KAZN: variants seen among roughly 807,000 people sequenced by gnomAD.
The protein encoded by KAZN is kazrin, periplakin interacting protein, also known as kazrin.
KAZN carries 40 observed loss-of-function variants against 87.4 expected under a neutral mutation model. The ratio of observed to expected loss-of-function variants is 0.46; its 90% confidence interval spans 0.36 to 0.60. KAZN has a LOEUF of 0.60. Ranked by LOEUF, KAZN falls within the 20% of genes least tolerant of loss-of-function variation. The pLI is 0.00. For missense variants in KAZN, 898 were observed against 1,073.9 expected, an observed-to-expected ratio of 0.84 and a Z score of 2.29; for synonymous variants, 466 against 458.3, an observed-to-expected ratio of 1.02 and a Z score of -0.22.
At chr1:14,444,602 C>G (rs1371333526) in intron 2 of KAZN, among the ~76,000 whole-genome samples, 5 of 152,018 alleles carry the variant, frequency 3.3e-5, no homozygotes, top group African/African-American at 1.2e-4. Flanking sequence ...CGTGAGCCAC[C>G]GCGTCCGGCC....
chr1:15,034,222 G>A lies in KAZN; in HGVS notation c.419-527G>A, dbSNP rs74820150. ...AACGGTTTTAATTTTGATGAATTCC[G>A]ATCTATCTGTATTTTCTTTTGTTGC... On this transcript the variant is annotated intron_variant, in intron 2 of 14. Transcript: ENST00000376030. 8.2e-3 allele frequency among the ~76,000 whole-genome samples: 1,245 copies of A among 152,140 alleles called. 10 individuals are homozygous for A. Among genetic ancestry groups the A allele is most frequent in the African/African-American group, 0.028 (1,150 of 41,478 alleles).
intron 4 of KAZN, among the ~76,000 whole-genome samples, chr1:15,052,098 G>C (rs1404194189): frequency 2.0e-5 from 3 of 152,170 alleles, no homozygotes; most frequent in Non-Finnish European, 2.9e-5. Flanking sequence ...TCAGAGAAAT[G>C]TGTCAATTGC....
chr1:14,411,031 T>C (rs1368817763), intron 2 of KAZN, among the ~76,000 whole-genome samples: 1 of 152,114 alleles, frequency 6.6e-6, no homozygotes, highest in Non-Finnish European at 1.5e-5. Flanking sequence ...ATGGATAGAT[T>C]GAGAATGAAC....
chr1:14,399,579 C>A (rs1663208526), intron 2 of KAZN, among the ~76,000 whole-genome samples: 1 of 152,086 alleles, frequency 6.6e-6, no homozygotes, highest in Non-Finnish European at 1.5e-5. Context: ...TCACGAGTCA[C>A]CTGGGGGCGT....
rs114221275 is a variant in KAZN, at chr1:14,780,831, T to G, written c.227-179853T>G. Among the ~76,000 whole-genome samples the G allele has an allele frequency of 5.4e-3, 816 of 152,344 alleles. 9 individuals are homozygous for G. The highest frequency in any genetic ancestry group is 0.019 in the African/African-American group (774 of 41,576). ...GAGTGAATTGAGTCCTGAGCTCCGC[T>G]ATTGACTGAGGTATAAACTGATAAA... On this transcript the variant is annotated intron_variant, in intron 1 of 14. Coordinates refer to ENST00000376030, the MANE Select transcript of KAZN (RefSeq NM_201628.3).
intron 2 of KAZN, among the ~76,000 whole-genome samples, chr1:14,383,275 C>A (rs916719507): frequency 4.0e-5 from 6 of 149,406 alleles, no homozygotes; most frequent in African/African-American, 1.5e-4. Context: ...TGCCTGTTCA[C>A]TCTGATGGTA....
In KAZN at chr1:15,100,566, G is replaced by A. The variant is rs114774883; in HGVS notation, c.1548-977G>A. Among the ~76,000 whole-genome samples the A allele has an allele frequency of 2.7e-3, 409 of 152,224 alleles. 2 individuals carry two copies. Among genetic ancestry groups the A allele is most frequent in the African/African-American group, 8.0e-3 (333 of 41,536 alleles). ...AGGCTGCCACTGTGTGGCGAGCAGC[G>A]GAATGACAGCCAGGCACAGTCACAC... is the stretch of plus-strand genomic sequence containing the variant. On this transcript the variant is annotated intron_variant, in intron 10 of 14. Transcript: ENST00000376030.
In KAZN at chr1:14,990,921, AGC is replaced by A; in HGVS notation, c.418+30047_418+30048del. On this transcript the variant is annotated intron_variant, in intron 2 of 14. Coordinates refer to ENST00000376030, the MANE Select transcript of KAZN (RefSeq NM_201628.3). ...GATAAAAATGGATCAGGGGAAATGTAGCCACAGACACCCAGGGAAAACAGCAG... is the reference window on the plus strand; with the variant it reads ...GATAAAAATGGATCAGGGGAAATGTACACAGACACCCAGGGAAAACAGCAG... 2.6e-5 allele frequency among the ~76,000 whole-genome samples: 4 copies of A among 151,372 alleles called. 1 individual carries two copies. The Middle Eastern group carries it at 0.014, about 515-fold the overall frequency.
chr1:13,932,418 G>A (rs1204619928), intron 1 of KAZN, among the ~76,000 whole-genome samples: 7 of 151,540 alleles, frequency 4.6e-5, no homozygotes, highest in African/African-American at 1.5e-4. Flanking sequence ...CCGCCACTAC[G>A]CCCGGCTAAT....
At chr1:14,633,225 C>G (rs916747063) in intron 1 of KAZN, among the ~76,000 whole-genome samples, 2 of 152,048 alleles carry the variant, frequency 1.3e-5, no homozygotes, top group Admixed American at 6.6e-5. Flanking sequence ...CCAAAATGCA[C>G]TTAATATTGT....
intron 2 of KAZN, among the ~76,000 whole-genome samples, chr1:14,968,277 TGA>T (rs1664667375): frequency 6.6e-6 from 1 of 152,074 alleles, no homozygotes; most frequent in Non-Finnish European, 1.5e-5. Context: ...CGTGCTCCTA[TGA>T]GAGTCTAATG....
intron 2 of KAZN, among the ~76,000 whole-genome samples, chr1:14,214,924 C>T (rs1385695804): frequency 2.0e-5 from 3 of 152,180 alleles, no homozygotes; most frequent in Admixed American, 2.0e-4. Context: ...TGATAGAAAA[C>T]ACAGGTAAGG....
intron 2 of KAZN, among the ~76,000 whole-genome samples, chr1:14,437,282 C>T (rs1042317192): frequency 4.6e-5 from 7 of 152,296 alleles, no homozygotes; most frequent in African/African-American, 7.2e-5. Flanking sequence ...AGCTCACTGC[C>T]GCTCTTAACT....
Position 14,433,791 on chromosome 1 carries a change from C to T in KAZN, c.250-165192C>T, listed in dbSNP as rs139638686. Among the ~76,000 whole-genome samples, 796 of 152,284 alleles carry T rather than the reference C, an allele frequency of 5.2e-3. 9 individuals carry two copies. The highest frequency in any genetic ancestry group is 0.018 in the African/African-American group (764 of 41,570). On this transcript the variant is annotated intron_variant, in intron 2 of 16. Coordinates refer to the KAZN transcript ENST00000636203. ...AGGAGAATAGCTTGAACCCGGGAGGCGGAGGTTGCAGTGATCAGAGATGGT... is the reference window on the plus strand; with the variant it reads ...AGGAGAATAGCTTGAACCCGGGAGGTGGAGGTTGCAGTGATCAGAGATGGT...
Position 14,599,232 on chromosome 1 carries a change from G to T in KAZN, c.226+9G>T. The stretch of plus-strand genomic sequence containing the variant: ...CCAGCTTGGAGCGCAAGGTAGGATC[G>T]CCCCGGCGCCCAGGGCGGAGGAAGG... On this transcript the variant is annotated intron_variant, in intron 1 of 14. Transcript: ENST00000376030. The surrounding 1 kb of genome is among the most constrained non-coding windows in gnomAD (Gnocchi z 4.4). 1 of 1,366,236 alleles carries T rather than the reference G, an allele frequency of 7.3e-7. No individual in the cohort carries two copies. The highest frequency in any genetic ancestry group is 9.4e-7 in the Non-Finnish European group (1 of 1,063,404). The allele number at this position is 1,366,236 out of a possible 1,614,324, so 84.6% of individuals were successfully genotyped here.
chr1:14,707,569 G>A (rs541231570), intron 1 of KAZN, among the ~76,000 whole-genome samples: 177 of 152,120 alleles, frequency 1.2e-3, no homozygotes, highest in Middle Eastern at 0.01. Context: ...ATTTCCCAAC[G>A]TACTCTCCAG....
At chr1:14,326,565 G>T (rs1030012605) in intron 2 of KAZN, among the ~76,000 whole-genome samples, 4 of 152,048 alleles carry the variant, frequency 2.6e-5, no homozygotes, top group African/African-American at 9.7e-5. Context: ...GCCCTCCAAT[G>T]GTTCCCCATC....
intron 2 of KAZN, among the ~76,000 whole-genome samples, chr1:14,548,035 TAAAA>T (rs35205953): frequency 8.0e-6 from 1 of 124,344 alleles, no homozygotes. Context: ...GGTGATGAGC[TAAAA>T]AAAAAAAAAA....
chr1:14,472,897 C>A (rs889895901), intron 2 of KAZN, among the ~76,000 whole-genome samples: 1 of 152,130 alleles, frequency 6.6e-6, no homozygotes, highest in Non-Finnish European at 1.5e-5. Context: ...TGGGCCCTCC[C>A]TTAAGGGAGG....
Sources: gnomAD v4.1 joint callset for allele counts (sites outside exome capture counted in the v4.1 genomes callset) on GRCh38, gnomAD v4.1.1 for gene constraint, Gnocchi (gnomAD v3.1) non-coding constraint, MANE v1.5 for transcripts, NCBI Gene and HGNC (gene_info 2026-07-23, HGNC 2026-07-21) for gene names.